The following TAF1 variants were observed in gnomAD, a reference collection of about 807,000 sequenced individuals.
The protein encoded by TAF1 is TATA-box binding protein associated factor 1.
A neutral mutation model predicts 138.5 loss-of-function variants in TAF1; 2 were observed. That is an observed-to-expected ratio of 0.01 (90% CI 0.01 to 0.05). The LOEUF (loss-of-function observed/expected upper bound fraction) is 0.05, where lower values mean the gene tolerates loss of function less well. Ranked by LOEUF, TAF1 falls within the 10% of genes least tolerant of loss-of-function variation. The pLI, the probability that TAF1 is intolerant of heterozygous loss-of-function variation, is 1.00. For synonymous variants in TAF1, 437 were observed against 503.2 expected (o/e 0.87, Z 1.76); for missense variants, 709 against 1,478.0 (o/e 0.48, Z 8.53).
chrX:71,403,916 T>C (rs1191866335), intron 25 of TAF1, among the ~76,000 whole-genome samples: 1 of 108,646 alleles, frequency 9.2e-6, no homozygotes. Flanking sequence ...TTTTTCTTTT[T>C]TTTTTTTTTA....
intron 3 of TAF1, among the ~76,000 whole-genome samples, chrX:71,370,888 C>G (rs1237268780): frequency 1.8e-5 from 2 of 111,775 alleles, no homozygotes; most frequent in Non-Finnish European, 3.8e-5. Context: ...ATATTGTTAT[C>G]TTTTGGGGAA....
rs1032978083 is a variant in TAF1, at chrX:71,392,811, C to T, written c.2932-64C>T. 4 of 1,201,026 alleles carry T rather than the reference C, an allele frequency of 3.3e-6. No homozygotes were observed. The South Asian group carries it at 7.2e-5, about 22-fold the overall frequency. On this transcript the variant is annotated intron_variant, in intron 19 of 37. Coordinates refer to ENST00000423759, the MANE Select transcript of TAF1 (RefSeq NM_004606.5). ...GAATGTAGTTAAGGTAGCAGAATGA[C>T]TTAGATGCCTACTTAAAAGGAATTC...
intron 32 of TAF1, among the ~76,000 whole-genome samples, chrX:71,444,148 C>T (rs996387544): frequency 1.8e-5 from 2 of 110,317 alleles, no homozygotes; most frequent in African/African-American, 3.3e-5. Flanking sequence ...GCCGGGATTA[C>T]AGGTGCCTGC....
intron 28 of TAF1, among the ~76,000 whole-genome samples, chrX:71,409,267 A>T (rs1416593942): frequency 1.8e-5 from 2 of 108,618 alleles, no homozygotes; most frequent in Non-Finnish European, 3.8e-5. Context: ...CTGGGACTAC[A>T]GGTGCTTTCC....
intron 13 of TAF1, among the ~76,000 whole-genome samples, chrX:71,503,322 G>GTGTATATATA (rs2039554781): frequency 1.3e-5 from 1 of 78,100 alleles, no homozygotes; most frequent in African/African-American, 6.3e-5. Context: ...ATATATATAT[G>GTGTATATATA]TGTGTGTATA....
At chrX:71,376,671 A>C (rs752371333) in intron 4 of TAF1, among the ~76,000 whole-genome samples, 105 of 110,476 alleles carry the variant, frequency 9.5e-4, no homozygotes, top group South Asian at 1.9e-3. Context: ...TGTCTCAAAA[A>C]AAAAAAAACA....
chrX:71,510,586 T>C (rs1001866538), intron 13 of TAF1, among the ~76,000 whole-genome samples: 1 of 111,718 alleles, frequency 9.0e-6, no homozygotes, highest in Non-Finnish European at 1.9e-5. Context: ...AGTGAGAAGT[T>C]CCATTTTTAA....
At chrX:71,489,183 G>A (rs182247639) in intron 13 of TAF1, among the ~76,000 whole-genome samples, 2 of 110,404 alleles carry the variant, frequency 1.8e-5, no homozygotes, top group Admixed American at 9.7e-5. Context: ...TATATAGTCT[G>A]TCCCTTTTGT....
chrX:71,391,707 A>G (rs2034575950), intron 18 of TAF1, among the ~76,000 whole-genome samples: 1 of 104,443 alleles, frequency 9.6e-6, no homozygotes, highest in Non-Finnish European at 2.0e-5. Context: ...GCTGACTGCA[A>G]CCTCTGCCTG....
intron 28 of TAF1, among the ~76,000 whole-genome samples, chrX:71,419,449 A>T (rs1302073639): frequency 9.0e-6 from 1 of 111,520 alleles, no homozygotes; most frequent in East Asian, 2.8e-4. Context: ...CCCAGGGAGA[A>T]GGGGAATTTA....
intron 18 of TAF1, 101 bp from the exon 19 acceptor site, chrX:71,392,468 A>T: frequency 2.0e-6 from 2 of 999,250 alleles, no homozygotes; most frequent in African/African-American, 3.9e-5. Flanking sequence ...TTAGAAAAAA[A>T]GAACATGAAA....
At chrX:71,473,279 A>G (rs1406761893) in intron 13 of TAF1, among the ~76,000 whole-genome samples, 1 of 110,776 alleles carries the variant, frequency 9.0e-6, no homozygotes, top group Non-Finnish European at 1.9e-5. Context: ...GAAAAGCTTT[A>G]CAGTACAAAA....
At chrX:71,439,810 C>T (rs182910163) in intron 32 of TAF1, among the ~76,000 whole-genome samples, 22 of 111,947 alleles carry the variant, frequency 2.0e-4, no homozygotes, top group Non-Finnish European at 2.1e-4. Context: ...CAGGAAGTTG[C>T]AAGAAATGGT....
At chrX:71,491,018 TTTTG>T (rs1404457092) in intron 13 of TAF1, 1 of 106,369 alleles carries the variant, frequency 9.4e-6, no homozygotes, top group Non-Finnish European at 1.9e-5. Flanking sequence ...AGCTGGGTTT[TTTTG>T]TTGTTGTTGT....
At position 71,418,416 on chromosome X, in the gene TAF1, G is replaced by A. The variant is rs576913830; in HGVS notation, c.4385-2893G>A. On this transcript the variant is annotated intron_variant, in intron 28 of 37. Transcript: ENST00000423759. ...CTGGCCTAAGCCAATAAGTCTCATAGGCAGGAAGTCTGTCTTATTTTTCCT... is the reference window on the plus strand; with the variant it reads ...CTGGCCTAAGCCAATAAGTCTCATAAGCAGGAAGTCTGTCTTATTTTTCCT... Among the ~76,000 whole-genome samples, 31 of 112,813 alleles carry A rather than the reference G, an allele frequency of 2.7e-4. No individual in the cohort carries two copies. The South Asian group carries it at 0.011, about 40-fold the overall frequency.
chrX:71,475,677 A>T (rs967865572), intron 13 of TAF1, among the ~76,000 whole-genome samples: 2 of 111,515 alleles, frequency 1.8e-5, no homozygotes, highest in Non-Finnish European at 3.8e-5. Flanking sequence ...TTACTGAAAG[A>T]TATTAAAGAC....
At chrX:71,391,760 G>C (rs1189346229) in intron 18 of TAF1, among the ~76,000 whole-genome samples, 3 of 108,196 alleles carry the variant, frequency 2.8e-5, no homozygotes, top group African/African-American at 1.0e-4. Flanking sequence ...CTGAGTAGCT[G>C]GGACTATAGG....
At chrX:71,421,502 G>T (rs1345699256) in intron 29 of TAF1, 126 bp downstream of exon 29, 1 of 560,125 alleles carries the variant, frequency 1.8e-6, no homozygotes. Flanking sequence ...TTTAGTATAT[G>T]TGAAGGCTGG....
At chrX:71,482,017 G>T (rs1228459955) in intron 13 of TAF1, among the ~76,000 whole-genome samples, 1 of 112,294 alleles carries the variant, frequency 8.9e-6, no homozygotes, top group Non-Finnish European at 1.9e-5. Context: ...ATGGCATCAA[G>T]AATTCAATCT....
Sources: allele counts gnomAD v4.1 joint callset (sites outside exome capture counted in the v4.1 genomes callset), GRCh38; gene constraint gnomAD v4.1.1; transcripts MANE v1.5; gene names NCBI Gene and HGNC (gene_info 2026-07-23, HGNC 2026-07-21).